GPC6: variants seen among roughly 807,000 people sequenced by gnomAD.
The protein encoded by GPC6 is glypican-6.
Under a neutral mutation model 55.2 loss-of-function variants are expected in GPC6, and 14 were observed. The observed-to-expected ratio is 0.25, with a 90% CI of 0.17 to 0.40. The LOEUF is 0.40. Ranked by LOEUF, GPC6 falls within the 10% of genes least tolerant of loss-of-function variation. The pLI, the probability that GPC6 is intolerant of heterozygous loss-of-function variation, is 1.00. For missense variants in GPC6, 641 were observed against 708.5 expected (o/e 0.90, Z 1.08); for synonymous variants, 278 against 259.6 (o/e 1.07, Z -0.68).
chr13:93,373,606 T>TC (rs1483545590), intron 1 of GPC6, among the ~76,000 whole-genome samples: 1 of 152,176 alleles, frequency 6.6e-6, no homozygotes, highest in Non-Finnish European at 1.5e-5. Context: ...TAGTGTGTCG[T>TC]CTGTGGTGAT....
chr13:94,083,224 T>C (rs927249181), intron 4 of GPC6, among the ~76,000 whole-genome samples: 3 of 152,152 alleles, frequency 2.0e-5, no homozygotes, highest in Non-Finnish European at 4.4e-5. Context: ...GTACTTGCCA[T>C]TCTCCTGCCT....
chr13:94,008,939 C>G (rs1566280434), intron 3 of GPC6, among the ~76,000 whole-genome samples: 1 of 152,024 alleles, frequency 6.6e-6, no homozygotes, highest in Non-Finnish European at 1.5e-5. Flanking sequence ...TAATAACCAC[C>G]CTATCATTTC....
chr13:93,269,425 A>G (rs1322671507), intron 1 of GPC6, among the ~76,000 whole-genome samples: 2 of 152,186 alleles, frequency 1.3e-5, no homozygotes, highest in East Asian at 3.8e-4. Context: ...TTATCAATAT[A>G]ATGAATATTG....
chr13:94,085,011 A>G (rs966481188), intron 4 of GPC6, among the ~76,000 whole-genome samples: 1 of 152,026 alleles, frequency 6.6e-6, no homozygotes, highest in African/African-American at 2.4e-5. Flanking sequence ...CTAGTGAGCA[A>G]TGGTATAATT....
Position 93,360,900 on chromosome 13 carries a change from G to A in GPC6, c.160+133284G>A, listed in dbSNP as rs149893358. ...TGTGGATGTGGAAGCCTTTAACTCC[G>A]TGACCCCACTGTGTGGCCAGTGCTT... On this transcript the variant is annotated intron_variant, in intron 1 of 8. Coordinates refer to ENST00000377047, the MANE Select transcript of GPC6 (RefSeq NM_005708.5). Among the ~76,000 whole-genome samples the A allele has an allele frequency of 2.6e-5, 4 of 152,066 alleles. No homozygotes were observed. In the South Asian group the frequency reaches 8.3e-4, roughly 32 times the overall value.
intron 4 of GPC6, among the ~76,000 whole-genome samples, chr13:94,225,568 T>C (rs1208069615): frequency 6.6e-6 from 1 of 152,036 alleles, no homozygotes; most frequent in Non-Finnish European, 1.5e-5. Flanking sequence ...AATATGTATT[T>C]CCATGAACAT....
rs183118674 is a variant in GPC6, at chr13:93,667,705, G to T, written c.319+122284G>T. Reference sequence around the variant, plus strand: ...ACCTTGGCCTTGTGCTGGGATTATAGGTGTAAACCACCACACCCAGCCAGG... The same window carrying T: ...ACCTTGGCCTTGTGCTGGGATTATATGTGTAAACCACCACACCCAGCCAGG... On this transcript the variant is annotated intron_variant, in intron 2 of 8. Transcript: ENST00000377047. Among the ~76,000 whole-genome samples, 707 of 148,168 alleles carry T rather than the reference G, an allele frequency of 4.8e-3. 6 individuals carry two copies. Among genetic ancestry groups the T allele is most frequent in the African/African-American group, 0.017 (651 of 39,168 alleles).
At chr13:94,343,475 A>G (rs909009498) in intron 6 of GPC6, among the ~76,000 whole-genome samples, 4 of 152,180 alleles carry the variant, frequency 2.6e-5, no homozygotes, top group African/African-American at 9.7e-5. Flanking sequence ...GGGACAGAAA[A>G]AGAACTGAGT....
intron 1 of GPC6, among the ~76,000 whole-genome samples, chr13:93,264,610 T>C (rs1379347416): frequency 6.6e-6 from 1 of 152,002 alleles, no homozygotes; most frequent in East Asian, 1.9e-4. Flanking sequence ...AAGGTCTCAT[T>C]ATGTTGCCCA....
chr13:93,878,667 C>T lies in GPC6; in HGVS notation c.711+48122C>T, dbSNP rs35071698. ...TGCTAGGATTAAAGGCATGAGCCACCGCTCCTGGCCTACCCTTCAGACTCT... is the reference window on the plus strand; with the variant it reads ...TGCTAGGATTAAAGGCATGAGCCACTGCTCCTGGCCTACCCTTCAGACTCT... On this transcript the variant is annotated intron_variant, in intron 3 of 8. Transcript: ENST00000377047. 7.3e-3 allele frequency among the ~76,000 whole-genome samples: 1,115 copies of T among 152,152 alleles called. 8 individuals carry two copies. Among genetic ancestry groups the T allele is most frequent in the Non-Finnish European group, 0.013 (889 of 67,986 alleles).
intron 1 of GPC6, among the ~76,000 whole-genome samples, chr13:93,248,141 C>T (rs1876664755): frequency 6.6e-6 from 1 of 151,982 alleles, no homozygotes; most frequent in Admixed American, 6.6e-5. Context: ...GCAGTGTATA[C>T]AAAGGTTTCC....
At chr13:93,867,961 C>T (rs1889019538) in intron 3 of GPC6, among the ~76,000 whole-genome samples, 1 of 151,732 alleles carries the variant, frequency 6.6e-6, no homozygotes, top group Admixed American at 6.6e-5. Flanking sequence ...GACGAGGTAA[C>T]ATATTTTTAC....
chr13:94,101,416 A>T (rs1885855404), intron 4 of GPC6, among the ~76,000 whole-genome samples: 1 of 152,202 alleles, frequency 6.6e-6, no homozygotes, highest in Admixed American at 6.5e-5. Flanking sequence ...GATCACCTGT[A>T]GCCCTATCTG....
At chr13:94,334,039 A>G (rs1327254612) in intron 6 of GPC6, among the ~76,000 whole-genome samples, 1 of 152,220 alleles carries the variant, frequency 6.6e-6, no homozygotes, top group African/African-American at 2.4e-5. Flanking sequence ...GATGCTCCCC[A>G]CATTGCCTTT....
chr13:93,275,482 T>C (rs1877701825), intron 1 of GPC6, among the ~76,000 whole-genome samples: 1 of 152,190 alleles, frequency 6.6e-6, no homozygotes. Flanking sequence ...AATCAATTAG[T>C]ATATTAGTTT....
At chr13:94,266,392 T>A (rs9516376) in intron 4 of GPC6, among the ~76,000 whole-genome samples, 4 of 151,438 alleles carry the variant, frequency 2.6e-5, no homozygotes, top group Non-Finnish European at 5.9e-5. Context: ...ATGGTCTCGA[T>A]CTCCTGACCT....
intron 1 of GPC6, among the ~76,000 whole-genome samples, chr13:93,243,557 C>G (rs112586294): frequency 6.6e-6 from 1 of 152,174 alleles, no homozygotes; most frequent in African/African-American, 2.4e-5. Flanking sequence ...CTCCCAGTGG[C>G]AGGTGCGAGC....
chr13:93,473,802 C>T (rs1463024367), intron 1 of GPC6, among the ~76,000 whole-genome samples: 1 of 152,216 alleles, frequency 6.6e-6, no homozygotes, highest in African/African-American at 2.4e-5. Context: ...CTCCCCACAG[C>T]AGCATCAGGC....
chr13:94,128,613 C>G lies in GPC6; in HGVS notation c.877+100719C>G, dbSNP rs138550383. Reference sequence around the variant, plus strand: ...TGGTCTTAACGGGCAATTAAATGCTCTGGCTTGGAAGTGACAGAGTGTTAC... The same window carrying G: ...TGGTCTTAACGGGCAATTAAATGCTGTGGCTTGGAAGTGACAGAGTGTTAC... On this transcript the variant is annotated intron_variant, in intron 4 of 8. Coordinates refer to ENST00000377047, the MANE Select transcript of GPC6 (RefSeq NM_005708.5). 7.6e-3 allele frequency among the ~76,000 whole-genome samples: 1,156 copies of G among 152,234 alleles called. 11 individuals are homozygous for G. Among genetic ancestry groups the G allele is most frequent in the South Asian group, 0.042 (201 of 4,820 alleles).
Sources: allele counts gnomAD v4.1 joint callset (sites outside exome capture counted in the v4.1 genomes callset), GRCh38; gene constraint gnomAD v4.1.1; transcripts MANE v1.5; gene names NCBI Gene and HGNC (gene_info 2026-07-23, HGNC 2026-07-21).